The following SMOX variants were observed in gnomAD, a reference collection of about 807,000 sequenced individuals.
SMOX encodes spermine oxidase.
Under a neutral mutation model 51.0 loss-of-function variants are expected in SMOX, and 22 were observed. The observed-to-expected ratio is 0.43, with a 90% CI of 0.31 to 0.62. SMOX has a LOEUF of 0.62. Among genes scored for constraint, SMOX ranks in the 20% least tolerant of loss-of-function variants. The pLI is 0.10. For synonymous variants in SMOX, 282 were observed against 307.8 expected (o/e 0.92, Z 0.88); for missense variants, 566 against 777.7 (o/e 0.73, Z 3.24).
At position 4,157,219 on chromosome 20, in the gene SMOX, C is replaced by T. The variant is rs79066552; in HGVS notation, c.-27+8242C>T. ...ATTTGTACCATGAGGGTAATATTAC[C>T]TCCCTCCTAGGGTGGCTGGGTTGTT... On this transcript the variant is annotated intron_variant, in intron 1 of 6. Transcript: ENST00000305958. Among the ~76,000 whole-genome samples the T allele has an allele frequency of 1.8e-3, 277 of 152,222 alleles. 4 individuals carry two copies. The highest frequency in any genetic ancestry group is 6.4e-3 in the African/African-American group (265 of 41,532).
intron 6 of SMOX, chr20:4,186,832 G>T (rs779137893): frequency 2.6e-6 from 2 of 780,434 alleles, no homozygotes; most frequent in Non-Finnish European, 4.8e-6. Context: ...GCGCCGTAAA[G>T]GTTTGTCAAA....
chr20:4,186,239 TGA>T (rs929590642), intron 6 of SMOX, among the ~76,000 whole-genome samples: 1 of 152,146 alleles, frequency 6.6e-6, no homozygotes, highest in Non-Finnish European at 1.5e-5. Context: ...CCCAGGAAGT[TGA>T]GGCTGCAGTG....
intron 1 of SMOX, among the ~76,000 whole-genome samples, chr20:4,152,550 G>A (rs1009341142): frequency 1.3e-5 from 2 of 152,068 alleles, no homozygotes; most frequent in African/African-American, 4.8e-5. Flanking sequence ...CCGCGACGTG[G>A]GTGCTAGAAC....
At position 4,167,328 on chromosome 20, in the gene SMOX, C is replaced by T. The variant is rs1214764400; in HGVS notation, c.-26-7702C>T. On this transcript the variant is annotated intron_variant, in intron 1 of 6. Transcript: ENST00000305958. The surrounding 1 kb of genome is among the most constrained non-coding windows in gnomAD (Gnocchi z 4.8). ...TCTATAAGTGAGACAGAGCTCTGGG[C>T]CCTAGGAAAGGTGACTTCTGTACTG... is the stretch of plus-strand genomic sequence containing the variant. 2.0e-5 allele frequency among the ~76,000 whole-genome samples: 3 copies of T among 152,036 alleles called. No individual in the cohort carries two copies. The highest frequency in any genetic ancestry group is 1.5e-5 in the Non-Finnish European group (1 of 67,990).
At position 4,177,290 on chromosome 20, in the gene SMOX, A is replaced by C; in HGVS notation, c.209-61A>C. 7.2e-7 allele frequency: 1 copy of C among 1,395,658 alleles called. No homozygotes were observed. Among genetic ancestry groups the C allele is most frequent in the Non-Finnish European group, 9.9e-7 (1 of 1,011,688 alleles). 86.5% of individuals were successfully genotyped at this position (1,395,658 alleles called of 1,614,324 possible). On this transcript the variant is annotated intron_variant, in intron 2 of 6. Coordinates refer to ENST00000305958, the MANE Select transcript of SMOX (RefSeq NM_175839.3). The surrounding 1 kb of genome is among the most constrained non-coding windows in gnomAD (Gnocchi z 4.3). ...CCTCTTGGAGGAAGGAGGGGGAAGCAGTGCTGGCCCTCTCTGGAGAAGTCC... is the reference window on the plus strand; with the variant it reads ...CCTCTTGGAGGAAGGAGGGGGAAGCCGTGCTGGCCCTCTCTGGAGAAGTCC...
chr20:4,169,620 A>G (rs1357438515), intron 1 of SMOX, among the ~76,000 whole-genome samples: 1 of 152,148 alleles, frequency 6.6e-6, no homozygotes, highest in African/African-American at 2.4e-5. Context: ...TTCTTGAGAT[A>G]ACAGACAACA....
Position 4,182,864 on chromosome 20 carries a change from C to T in SMOX, c.1369+16C>T, listed in dbSNP as rs1259195853. The T allele has an allele frequency of 1.3e-6, 2 of 1,591,646 alleles. No homozygotes were observed. Among genetic ancestry groups the T allele is most frequent in the African/African-American group, 2.7e-5 (2 of 74,800 alleles). ...CAGTTCACAGGTGCGCCACGTGCCC[C>T]ACGACCCGCTTCCCCCACCCTGCTT... On this transcript the variant is annotated intron_variant, in intron 5 of 6. Coordinates refer to ENST00000305958, the MANE Select transcript of SMOX (RefSeq NM_175839.3). The surrounding 1 kb of genome is among the most constrained non-coding windows in gnomAD (Gnocchi z 8.4).
chr20:4,155,473 G>A (rs1182904319), intron 1 of SMOX, among the ~76,000 whole-genome samples: 1 of 152,114 alleles, frequency 6.6e-6, no homozygotes, highest in Non-Finnish European at 1.5e-5. Flanking sequence ...ACAGGCAAGT[G>A]TCTGCTCCTC....
At position 4,149,609 on chromosome 20, in the gene SMOX, A is replaced by G. The variant is rs1325773136; in HGVS notation, c.-27+632A>G. Among the ~76,000 whole-genome samples, 1 of 152,052 alleles carries G rather than the reference A, an allele frequency of 6.6e-6. No individual in the cohort carries two copies. The highest frequency in any genetic ancestry group is 1.5e-5 in the Non-Finnish European group (1 of 67,990). ...GGCTTGGCGGGAGCCGGGCTCGCAA[A>G]GGGTTCGGGTGTGTTGGAGGGCTCA... On this transcript the variant is annotated intron_variant, in intron 1 of 6. Transcript: ENST00000305958. This position sits in a 1 kb window ranked among gnomAD's most constrained non-coding sequence, Gnocchi z 6.0.
At chr20:4,158,127 C>G (rs1330390323) in intron 1 of SMOX, among the ~76,000 whole-genome samples, 1 of 150,846 alleles carries the variant, frequency 6.6e-6, no homozygotes, top group East Asian at 2.0e-4. Flanking sequence ...GTCTCGATCT[C>G]CTGACCTCGT....
intron 3 of SMOX, among the ~76,000 whole-genome samples, chr20:4,180,790 G>T (rs1033813912): frequency 6.6e-6 from 1 of 152,052 alleles, no homozygotes; most frequent in Non-Finnish European, 1.5e-5. Context: ...CTCCACCCTG[G>T]CTGTCTCTCA....
intron 1 of SMOX, among the ~76,000 whole-genome samples, chr20:4,156,695 C>A (rs1347397271): frequency 1.3e-5 from 2 of 152,212 alleles, no homozygotes; most frequent in Non-Finnish European, 2.9e-5. Flanking sequence ...TCTGGAAGGA[C>A]CTGTCTGGTG....
chr20:4,171,099 TTTC>T (rs1986807371), intron 1 of SMOX, among the ~76,000 whole-genome samples: 1 of 152,218 alleles, frequency 6.6e-6, no homozygotes, highest in South Asian at 2.1e-4. Context: ...CCAGCACTTT[TTTC>T]TTCTCTCCTT....
At chr20:4,161,942 G>A (rs572689306) in intron 1 of SMOX, among the ~76,000 whole-genome samples, 7 of 152,324 alleles carry the variant, frequency 4.6e-5, no homozygotes, top group African/African-American at 7.2e-5. Context: ...GGCCGGGAAC[G>A]TGCCCCCCGC....
At chr20:4,157,207 G>A (rs1207096471) in intron 1 of SMOX, among the ~76,000 whole-genome samples, 2 of 152,152 alleles carry the variant, frequency 1.3e-5, no homozygotes, top group African/African-American at 4.8e-5. Context: ...TGTACCATGA[G>A]GGTAATATTA....
rs768507193 is a variant in SMOX at position 4,187,233 on chromosome 20, G to T, written c.1531-37G>T. 1.3e-6 allele frequency: 2 copies of T among 1,588,058 alleles called. No homozygotes were observed. Among genetic ancestry groups the T allele is most frequent in the East Asian group, 2.3e-5 (1 of 44,400 alleles). On this transcript the variant is annotated intron_variant, in intron 6 of 6. Coordinates refer to ENST00000305958, the MANE Select transcript of SMOX (RefSeq NM_175839.3). The surrounding 1 kb of genome is among the most constrained non-coding windows in gnomAD (Gnocchi z 4.8). ...GCCTTGTGGCCTTCTGGCCTTTGCT[G>T]CTCCTCCACCCTGACCTCCCCATCC...
rs573056571 is a variant in SMOX at position 4,187,118 on chromosome 20, C to T, written c.1531-152C>T. 4.5e-5 allele frequency: 46 copies of T among 1,019,858 alleles called. No homozygotes were observed. Among genetic ancestry groups the T allele is most frequent in the Middle Eastern group, 3.2e-4 (1 of 3,124 alleles). 63.2% of individuals were successfully genotyped at this position (1,019,858 alleles called of 1,614,324 possible). A position where few individuals can be genotyped will look rare whatever the true frequency, so the allele number is the denominator to read the frequency against. The stretch of plus-strand genomic sequence containing the variant: ...GGGGAAAGTGGCCAGATAGGATGGG[C>T]AGCTCTTCATCCTGTGGAAGCAGCA... On this transcript the variant is annotated intron_variant, in intron 6 of 6. Transcript: ENST00000305958. The surrounding 1 kb of genome is among the most constrained non-coding windows in gnomAD (Gnocchi z 4.8).
intron 1 of SMOX, among the ~76,000 whole-genome samples, chr20:4,159,852 C>T (rs546006026): frequency 2.6e-5 from 4 of 152,294 alleles, no homozygotes; most frequent in African/African-American, 7.2e-5. Flanking sequence ...CCAGCCCTCG[C>T]GTGGGTGGGG....
rs374586222 is a variant in SMOX at position 4,177,601 on chromosome 20, G to T, written c.435+24G>T. 1.3e-6 allele frequency: 2 copies of T among 1,559,274 alleles called. No homozygotes were observed. The highest frequency in any genetic ancestry group is 1.7e-6 in the Non-Finnish European group (2 of 1,150,712). Reference sequence around the variant, plus strand: ...AGGTAAGGTGTGAGCAGAGTAGCTGGGCGTAAGGGCATGGGGAGACCTGGG... The same window carrying T: ...AGGTAAGGTGTGAGCAGAGTAGCTGTGCGTAAGGGCATGGGGAGACCTGGG... On this transcript the variant is annotated intron_variant, in intron 3 of 6. Transcript: ENST00000305958. The surrounding 1 kb of genome is among the most constrained non-coding windows in gnomAD (Gnocchi z 4.3).
Sources: allele counts gnomAD v4.1 joint callset (sites outside exome capture counted in the v4.1 genomes callset), GRCh38; gene constraint gnomAD v4.1.1; non-coding constraint Gnocchi (gnomAD v3.1); transcripts MANE v1.5; gene names NCBI Gene and HGNC (gene_info 2026-07-23, HGNC 2026-07-21).